The following BAIAP2L2 variants were observed in gnomAD, a reference collection of about 807,000 sequenced individuals.
The protein encoded by BAIAP2L2 is BAR/IMD domain-containing adapter protein 2-like 2.
Under a neutral mutation model 60.4 loss-of-function variants are expected in BAIAP2L2, and 65 were observed. The ratio of observed to expected loss-of-function variants is 1.08; its 90% CI spans 0.88 to 1.32. The LOEUF is 1.32. BAIAP2L2 is among the 40% of genes most tolerant of loss of function. The pLI, the probability that BAIAP2L2 is intolerant of heterozygous loss-of-function variation, is 0.00. For synonymous variants in BAIAP2L2, 344 were observed against 301.7 expected (o/e 1.14, Z -1.45); for missense variants, 836 against 741.2 (o/e 1.13, Z -1.48).
At position 38,089,622 on chromosome 22, in the gene BAIAP2L2, G is replaced by C; in HGVS notation, c.665C>G (p.Ala222Gly). Reference protein sequence around the residue: ...RVLLWKEQSEASRSPSRAHSP... With the variant: ...RVLLWKEQSEGSRSPSRAHSP... ...GTGGGCGCGCGACGGGCTGCGGCTGGCCTCAGACTGCTCCTTCCACAGCAG... is the reference window on the plus strand; with the variant it reads ...GTGGGCGCGCGACGGGCTGCGGCTGCCCTCAGACTGCTCCTTCCACAGCAG... Residue 222 changes from alanine to glycine, a missense_variant, in exon 8 of 14, where the codon GCC becomes GGC. Coordinates refer to ENST00000381669, the MANE Select transcript of BAIAP2L2 (RefSeq NM_025045.6). 1 of 1,233,360 alleles carries C rather than the reference G, an allele frequency of 8.1e-7. No homozygotes were observed. Among genetic ancestry groups the C allele is most frequent in the Non-Finnish European group, 1.0e-6 (1 of 989,342 alleles). 76.4% of individuals were successfully genotyped at this position (1,233,360 alleles called of 1,614,324 possible).
At chr22:38,089,943 C>T (rs1249167709) in intron 7 of BAIAP2L2, among the ~76,000 whole-genome samples, 1 of 151,852 alleles carries the variant, frequency 6.6e-6, no homozygotes, top group African/African-American at 2.4e-5. Context: ...TCCTCACCGC[C>T]CAGCTTCAGG....
At chr22:38,086,704 G>A (rs1046264441) in intron 11 of BAIAP2L2, among the ~76,000 whole-genome samples, 5 of 152,130 alleles carry the variant, frequency 3.3e-5, no homozygotes, top group African/African-American at 1.2e-4. Context: ...ACTCAAGACT[G>A]CACCTTGCCA....
At chr22:38,094,034 GA>G in intron 7 of BAIAP2L2, 1 of 455,558 alleles carries the variant, frequency 2.2e-6, no homozygotes, top group Non-Finnish European at 4.4e-6. Context: ...ATCCAGCAGT[GA>G]AAAGGAAGCC....
intron 7 of BAIAP2L2, among the ~76,000 whole-genome samples, chr22:38,089,900 C>T (rs180951839): frequency 1.3e-5 from 2 of 152,130 alleles, no homozygotes; most frequent in African/African-American, 4.8e-5. Flanking sequence ...CCCCCCGCTT[C>T]CCGCGTCAAT....
At chr22:38,109,274 G>C in intron 1 of BAIAP2L2, 66 bp from the exon 2 acceptor site, 2 of 1,337,806 alleles carry the variant, frequency 1.5e-6, no homozygotes, top group Admixed American at 3.5e-5. Context: ...ACCACGGATG[G>C]AGTCAAGTCA....
intron 7 of BAIAP2L2, among the ~76,000 whole-genome samples, chr22:38,092,234 G>A (rs919589287): frequency 1.3e-5 from 2 of 152,200 alleles, no homozygotes; most frequent in African/African-American, 2.4e-5. Context: ...ACAATTTACC[G>A]TGCCCGGGCA....
chr22:38,107,937 G>A, intron 3 of BAIAP2L2, 24 bp from the exon 4 acceptor site: 2 of 1,612,150 alleles, frequency 1.2e-6, no homozygotes, highest in Non-Finnish European at 1.7e-6. Flanking sequence ...TGCAGCTGTG[G>A]CTTTGGTGTG....
chr22:38,107,903 C>G lies in BAIAP2L2; in HGVS notation c.225G>C (p.Leu75Phe), dbSNP rs1187369552. 6.2e-7 allele frequency: 1 copy of G among 1,613,512 alleles called. No homozygotes were observed. Among genetic ancestry groups the G allele is most frequent in the East Asian group, 2.2e-5 (1 of 44,882 alleles). ...SPTSQILGEI[L>F]VQMSDTQRHL... ...GCCGCTGGGTGTCAGACATCTGCAC[C>G]AAGATCTCCCCTGGAGGCATGGATG... The change falls in exon 4 of 14, where the codon TTG becomes TTC. Residue 75 changes from leucine to phenylalanine, a missense_variant. Leu to Phe is a conservative substitution (Grantham distance 22, BLOSUM62 0). Coordinates refer to ENST00000381669, the MANE Select transcript of BAIAP2L2 (RefSeq NM_025045.6).
At chr22:38,098,240 C>T in intron 5 of BAIAP2L2, 61 bp from the exon 6 acceptor site, 1 of 1,565,378 alleles carries the variant, frequency 6.4e-7, no homozygotes. Context: ...CAAGACACCC[C>T]TCCCAGAGAT....
intron 11 of BAIAP2L2, 106 bp downstream of exon 11, chr22:38,087,014 CAAAA>C (rs2086101461): frequency 5.6e-6 from 6 of 1,062,074 alleles, no homozygotes; most frequent in Non-Finnish European, 7.4e-6. Flanking sequence ...AAAAACAAAA[CAAAA>C]CAAAAAAACA....
In BAIAP2L2 at chr22:38,110,148, AGG is replaced by A. The variant is rs1491319868; in HGVS notation, c.51+325_51+326del. ...GAGAGAGAGAGAGAGAGAGAGAGAG[AGG>A]GAGAGACAGAGAGAGAGAGGGAGGG... is the stretch of plus-strand genomic sequence containing the variant. On this transcript the variant is annotated intron_variant, in intron 1 of 13. Transcript: ENST00000381669. Among the ~76,000 whole-genome samples, 499 of 111,856 alleles carry A rather than the reference AGG, an allele frequency of 4.5e-3. 49 individuals are homozygous for A. The highest frequency in any genetic ancestry group is 6.6e-3 in the Non-Finnish European group (404 of 61,338). 73.4% of individuals were successfully genotyped at this position (111,856 alleles called of 152,430 possible). A position where few individuals can be genotyped will look rare whatever the true frequency, so the allele number is the denominator to read the frequency against.
At chr22:38,110,083 C>G (rs11703202) in intron 1 of BAIAP2L2, among the ~76,000 whole-genome samples, 6 of 1,512 alleles carry the variant, frequency 4.0e-3, no homozygotes, top group Admixed American at 0.033. Context: ...GAGAGAGAGA[C>G]AGAGAGAGAG....
chr22:38,099,287 A>T (rs575879340), intron 4 of BAIAP2L2, among the ~76,000 whole-genome samples: 1 of 152,122 alleles, frequency 6.6e-6, no homozygotes, highest in East Asian at 1.9e-4. Flanking sequence ...TAATCCCAGC[A>T]CTTTGGGAGG....
Position 38,088,757 on chromosome 22 carries a change from C to T in BAIAP2L2, c.1109G>A (p.Gly370Asp), listed in dbSNP as rs779202347. The stretch of plus-strand genomic sequence containing the variant: ...CAAGGCTCCCACTCACGCGGACGAG[C>T]CCTCCAGCTTGCCGTAGAGCCAGCC... ...QNGWLYGKLE[G>D]SSASGWFPEA... The change falls in exon 10 of 14, where the codon GGC (glycine) becomes GAC (aspartate). Residue 370 changes from glycine (G) to aspartate (D), a missense_variant. Transcript: ENST00000381669. 2.5e-6 allele frequency: 4 copies of T among 1,598,628 alleles called. No homozygotes were observed. Among genetic ancestry groups the T allele is most frequent in the Admixed American group, 3.3e-5 (2 of 59,738 alleles).
intron 4 of BAIAP2L2, among the ~76,000 whole-genome samples, chr22:38,106,697 C>T (rs2086671775): frequency 6.6e-6 from 1 of 152,314 alleles, no homozygotes; most frequent in Admixed American, 6.5e-5. Context: ...CACCAGGCCC[C>T]ACCCCACCTC....
At chr22:38,098,573 C>T in intron 4 of BAIAP2L2, 91 bp from the exon 5 acceptor site, 1 of 980,976 alleles carries the variant, frequency 1.0e-6, no homozygotes, top group Non-Finnish European at 1.5e-6. Context: ...AACAGACTGC[C>T]CATCGTGCTC....
Position 38,103,762 on chromosome 22 carries a change from C to T in BAIAP2L2, c.276+4090G>A, listed in dbSNP as rs1339750684. Among the ~76,000 whole-genome samples, 3 of 151,452 alleles carry T rather than the reference C, an allele frequency of 2.0e-5. No individual in the cohort carries two copies. In the East Asian group the frequency reaches 5.9e-4, roughly 30 times the overall value. Reference sequence around the variant, plus strand: ...CCTGTAGTCCCAGCTACATGGGAGGCTGAGGCTGGAGAATTGCTTGAACCT... The same window carrying T: ...CCTGTAGTCCCAGCTACATGGGAGGTTGAGGCTGGAGAATTGCTTGAACCT... On this transcript the variant is annotated intron_variant, in intron 4 of 13. Coordinates refer to ENST00000381669, the MANE Select transcript of BAIAP2L2 (RefSeq NM_025045.6).
At chr22:38,104,032 T>C (rs1433119327) in intron 4 of BAIAP2L2, among the ~76,000 whole-genome samples, 1 of 152,194 alleles carries the variant, frequency 6.6e-6, no homozygotes, top group Non-Finnish European at 1.5e-5. Flanking sequence ...ATAAAGTTAA[T>C]TGGTGGCTTC....
chr22:38,085,514 A>ATCTT lies in BAIAP2L2; in HGVS notation c.1515-143_1515-140dup, dbSNP rs557535367. On this transcript the variant is annotated intron_variant, in intron 13 of 13. Coordinates refer to ENST00000381669, the MANE Select transcript of BAIAP2L2 (RefSeq NM_025045.6). ...CTCCATCCACTCCTTGCCCCGCTTC[A>ATCTT]TCTTTTTTTTTCTTTTAAGAGATAG... The ATCTT allele has an allele frequency of 2.8e-4, 361 of 1,284,234 alleles. 1 individual carries two copies. In the East Asian group the frequency reaches 7.7e-3, roughly 27 times the overall value. The allele number at this position is 1,284,234 out of a possible 1,614,324, so 79.6% of individuals were successfully genotyped here.
Sources: gnomAD v4.1 joint callset for allele counts (sites outside exome capture counted in the v4.1 genomes callset) on GRCh38, gnomAD v4.1.1 for gene constraint, MANE v1.5 for transcripts, NCBI Gene and HGNC (gene_info 2026-07-23, HGNC 2026-07-21) for gene names.